The following ZDHHC15 variants were observed in gnomAD, a reference collection of about 807,000 sequenced individuals.
ZDHHC15 encodes palmitoyltransferase ZDHHC15.
ZDHHC15 carries 19 observed loss-of-function variants against 31.7 expected under a neutral mutation model. That is an observed-to-expected ratio of 0.60 (90% confidence interval 0.42 to 0.88). The LOEUF (loss-of-function observed/expected upper bound fraction) is 0.88. Among genes scored for constraint, ZDHHC15 ranks in the 40% least tolerant of loss-of-function variants. The pLI is 0.00. For missense variants in ZDHHC15, 209 were observed against 251.2 expected (o/e 0.83, Z 1.14); for synonymous variants, 103 against 90.0 (o/e 1.14, Z -0.82).
At chrX:75,442,412 T>A (rs1422076498) in intron 4 of ZDHHC15, among the ~76,000 whole-genome samples, 1 of 111,722 alleles carries the variant, frequency 9.0e-6, no homozygotes, top group African/African-American at 3.3e-5. Flanking sequence ...CCCCATTGTT[T>A]CAGCCCAAAA....
rs1182034712 is a variant in ZDHHC15 at position 75,384,518 on chromosome X, A to T, written c.968-5320T>A. The T allele has an allele frequency of 1.0e-5, 8 of 780,835 alleles. 1 individual carries two copies. The highest frequency in any genetic ancestry group is 1.4e-5 in the Non-Finnish European group (7 of 515,498). The allele number at this position is 780,835 out of a possible 1,213,427, so 64.3% of individuals were successfully genotyped here. On this transcript the variant is annotated intron_variant, in intron 10 of 11. Transcript: ENST00000373367. ...AAAGGAATGCCCCACAAGTGTTACC[A>T]TGGCAAAACTGGAAGAGTCTACAAT...
At chrX:75,418,558 TTAAAC>T (rs1457340628) in intron 9 of ZDHHC15, among the ~76,000 whole-genome samples, 1 of 111,877 alleles carries the variant, frequency 8.9e-6, no homozygotes, top group Non-Finnish European at 1.9e-5. Flanking sequence ...CAACCGCAAA[TTAAAC>T]TATACTACAA....
chrX:75,469,161 T>C (rs1327787453), intron 3 of ZDHHC15, among the ~76,000 whole-genome samples: 1 of 111,835 alleles, frequency 8.9e-6, no homozygotes, highest in African/African-American at 3.2e-5. Context: ...ATAATAAAGA[T>C]TTTCCCCTAA....
chrX:75,432,409 ACAGTTAATTCAG>A (rs1298139210), intron 4 of ZDHHC15, among the ~76,000 whole-genome samples: 1 of 112,314 alleles, frequency 8.9e-6, no homozygotes, highest in African/African-American at 3.2e-5. Context: ...AACACAATAG[ACAGTTAATTCAG>A]CAGAGATTTG....
intron 3 of ZDHHC15, among the ~76,000 whole-genome samples, chrX:75,472,481 G>C (rs757995635): frequency 8.9e-6 from 1 of 112,193 alleles, no homozygotes; most frequent in African/African-American, 3.2e-5. Flanking sequence ...GGTTTGGCTG[G>C]ATGGTTAGGG....
intron 2 of ZDHHC15, among the ~76,000 whole-genome samples, chrX:75,494,983 A>G (rs775458458): frequency 8.9e-5 from 10 of 112,139 alleles, no homozygotes; most frequent in African/African-American, 2.9e-4. Context: ...AACTACCATC[A>G]GAGTGAACAG....
At chrX:75,421,313 G>T (rs2083624959) in intron 9 of ZDHHC15, among the ~76,000 whole-genome samples, 1 of 75,446 alleles carries the variant, frequency 1.3e-5, no homozygotes, top group African/African-American at 4.8e-5. Flanking sequence ...AATATAGTAA[G>T]CACTTTCCCT....
chrX:75,500,153 C>T (rs1350409220), intron 2 of ZDHHC15, among the ~76,000 whole-genome samples: 1 of 109,691 alleles, frequency 9.1e-6, no homozygotes, highest in Non-Finnish European at 1.9e-5. Context: ...GGATAAAAGG[C>T]TACGCACTGG....
intron 3 of ZDHHC15, among the ~76,000 whole-genome samples, chrX:75,456,363 G>A (rs1010143194): frequency 4.0e-4 from 43 of 107,269 alleles, no homozygotes; most frequent in African/African-American, 1.4e-3. Flanking sequence ...TGGGGTGGGG[G>A]GCTGGGGGAG....
intron 3 of ZDHHC15, among the ~76,000 whole-genome samples, chrX:75,461,594 C>A (rs1460996138): frequency 2.7e-5 from 3 of 111,789 alleles, no homozygotes; most frequent in Non-Finnish European, 5.6e-5. Context: ...CCAGTGGAAA[C>A]CCTAAAAGCC....
At chrX:75,399,243 T>A (rs2083330399) in intron 10 of ZDHHC15, among the ~76,000 whole-genome samples, 1 of 111,402 alleles carries the variant, frequency 9.0e-6, no homozygotes, top group African/African-American at 3.3e-5. Context: ...TAGTACCAAC[T>A]CAGCAACTCC....
At chrX:75,392,953 T>C (rs1342184752) in intron 10 of ZDHHC15, among the ~76,000 whole-genome samples, 1 of 109,247 alleles carries the variant, frequency 9.2e-6, no homozygotes, top group Non-Finnish European at 1.9e-5. Flanking sequence ...TTTTTCCTGA[T>C]AAAGTGACCC....
chrX:75,432,246 G>A (rs1320904643), intron 4 of ZDHHC15, among the ~76,000 whole-genome samples: 1 of 109,831 alleles, frequency 9.1e-6, no homozygotes, highest in Non-Finnish European at 1.9e-5. Context: ...TAGATGAAAG[G>A]TATTTTACTT....
chrX:75,444,335 T>G (rs748404372), intron 4 of ZDHHC15, among the ~76,000 whole-genome samples: 1 of 107,665 alleles, frequency 9.3e-6, no homozygotes, highest in African/African-American at 3.4e-5. Context: ...GGATGAAGCT[T>G]GAAGCCATCA....
Position 75,523,037 on chromosome X carries a change from G to T in ZDHHC15, c.-13C>A, listed in dbSNP as rs767202973. 8.3e-7 allele frequency: 1 copy of T among 1,200,590 alleles called. No individual in the cohort carries two copies. The highest frequency in any genetic ancestry group is 1.1e-6 in the Non-Finnish European group (1 of 890,266). On this transcript the variant is annotated 5_prime_UTR_variant, in exon 1 of 12. Transcript: ENST00000373367. ...AGCCTCGCCGCATCTTTGGCTCGAA[G>T]ATCGACCAAGCAGGCCTGCTGGCGC...
intron 10 of ZDHHC15, among the ~76,000 whole-genome samples, chrX:75,398,212 C>T (rs185060293): frequency 1.8e-5 from 2 of 112,374 alleles, no homozygotes; most frequent in East Asian, 2.8e-4. Context: ...GTGGGAGGGG[C>T]GAGCCACCAT....
In ZDHHC15 at chrX:75,521,798, T is replaced by C. The variant is rs754697689; in HGVS notation, c.136+1091A>G. Among the ~76,000 whole-genome samples the C allele has an allele frequency of 2.7e-5, 3 of 110,894 alleles. No individual in the cohort carries two copies. The East Asian group carries it at 8.6e-4, about 32-fold the overall frequency. ...TCCAATGAGAAGTAAGAAGAAATAA[T>C]AATAAGAAATCCCAAAGGAAGTGGA... On this transcript the variant is annotated intron_variant, in intron 1 of 11. Transcript: ENST00000373367.
chrX:75,383,499 G>T (rs2083138903), intron 10 of ZDHHC15, among the ~76,000 whole-genome samples: 1 of 110,433 alleles, frequency 9.1e-6, no homozygotes, highest in Non-Finnish European at 1.9e-5. Context: ...CTTCTGCACT[G>T]CTCTCTGACA....
chrX:75,417,595 T>A (rs143329263), intron 9 of ZDHHC15, among the ~76,000 whole-genome samples: 1,998 of 111,873 alleles, frequency 0.018, 49 homozygotes, highest in African/African-American at 0.061. Context: ...GATAAGCTGG[T>A]GTGAATTGGT....
Sources: allele counts gnomAD v4.1 joint callset (sites outside exome capture counted in the v4.1 genomes callset), GRCh38; gene constraint gnomAD v4.1.1; transcripts MANE v1.5; gene names NCBI Gene and HGNC (gene_info 2026-07-23, HGNC 2026-07-21).